The following PRKCB variants were observed in gnomAD, a reference collection of about 807,000 sequenced individuals.
PRKCB encodes the protein protein kinase C beta type.
A neutral mutation model predicts 81.5 loss-of-function variants in PRKCB; 13 were observed. The ratio of observed to expected loss-of-function variants is 0.16; its 90% CI spans 0.10 to 0.25. The LOEUF (loss-of-function observed/expected upper bound fraction) is 0.25, where lower values mean the gene tolerates loss of function less well. PRKCB is among the 10% of genes least tolerant of loss of function. PRKCB has a pLI of 1.00. For missense variants in PRKCB, 509 were observed against 875.7 expected (o/e 0.58, Z 5.29); for synonymous variants, 335 against 321.4 (o/e 1.04, Z -0.45).
intron 16 of PRKCB, among the ~76,000 whole-genome samples, chr16:24,204,637 G>A (rs968883708): frequency 2.6e-5 from 4 of 152,270 alleles, no homozygotes; most frequent in African/African-American, 9.6e-5. Context: ...ATGGGAAGAT[G>A]TTTAGAGTGT....
At chr16:24,154,052 CCAAAACAGCA>C (rs1967116467) in intron 9 of PRKCB, among the ~76,000 whole-genome samples, 1 of 152,224 alleles carries the variant, frequency 6.6e-6, no homozygotes, top group Non-Finnish European at 1.5e-5. Context: ...CACCAGTAAA[CCAAAACAGCA>C]AAGATACTTG....
chr16:24,059,893 T>C (rs1965950565), intron 5 of PRKCB, among the ~76,000 whole-genome samples: 2 of 152,218 alleles, frequency 1.3e-5, no homozygotes, highest in South Asian at 4.2e-4. Flanking sequence ...GCTCTTTCAG[T>C]GGCATAGTAG....
At chr16:23,991,089 G>C (rs998808097) in intron 3 of PRKCB, among the ~76,000 whole-genome samples, 25 of 152,326 alleles carry the variant, frequency 1.6e-4, no homozygotes, top group African/African-American at 5.3e-4. Flanking sequence ...TGCCCAAAGT[G>C]AGTAGTGACT....
intron 16 of PRKCB, among the ~76,000 whole-genome samples, chr16:24,194,960 T>G (rs1279910290): frequency 6.6e-6 from 1 of 152,082 alleles, no homozygotes; most frequent in Non-Finnish European, 1.5e-5. Context: ...TCCCCACACT[T>G]TGGAAGGCTG....
intron 2 of PRKCB, among the ~76,000 whole-genome samples, chr16:23,934,540 T>C (rs1023625509): frequency 3.3e-5 from 5 of 152,236 alleles, no homozygotes; most frequent in African/African-American, 1.2e-4. Context: ...ATTTTTTGAT[T>C]CTTAGGAATT....
chr16:23,947,389 C>T (rs1254937501), intron 2 of PRKCB, among the ~76,000 whole-genome samples: 4 of 152,212 alleles, frequency 2.6e-5, no homozygotes, highest in Non-Finnish European at 4.4e-5. Context: ...GGGCTCCTCT[C>T]CTCATTCTCC....
In PRKCB at chr16:23,912,840, T is replaced by A. The variant is rs75659124; in HGVS notation, c.205+75434T>A. ...TATTTATTTATTTATTTATTTATTT[T>A]TTGATATGGAGTCATGCTCTGTTGC... On this transcript the variant is annotated intron_variant, in intron 2 of 16. Transcript: ENST00000643927. Among the ~76,000 whole-genome samples the A allele has an allele frequency of 1.1e-3, 165 of 148,068 alleles. 1 individual carries two copies. Among genetic ancestry groups the A allele is most frequent in the South Asian group, 3.0e-3 (14 of 4,594 alleles).
At position 23,919,507 on chromosome 16, in the gene PRKCB, A is replaced by G. The variant is rs532437943; in HGVS notation, c.206-69001A>G. On this transcript the variant is annotated intron_variant, in intron 2 of 16. Transcript: ENST00000643927. Reference sequence around the variant, plus strand: ...ATATCTCTATATTTTGAAATGGATCATATTTTATTAGTTTTTCTTAGTACA... The same window carrying G: ...ATATCTCTATATTTTGAAATGGATCGTATTTTATTAGTTTTTCTTAGTACA... Among the ~76,000 whole-genome samples the G allele has an allele frequency of 1.5e-3, 229 of 152,282 alleles. 4 individuals carry two copies. The highest frequency in any genetic ancestry group is 2.3e-3 in the South Asian group (11 of 4,830).
intron 3 of PRKCB, among the ~76,000 whole-genome samples, chr16:24,004,085 C>A (rs1219729955): frequency 6.6e-6 from 1 of 151,876 alleles, no homozygotes; most frequent in East Asian, 1.9e-4. Context: ...ATCAATATAA[C>A]AAAATATAGG....
At chr16:24,107,380 A>G (rs1170130952) in intron 7 of PRKCB, among the ~76,000 whole-genome samples, 1 of 152,234 alleles carries the variant, frequency 6.6e-6, no homozygotes, top group East Asian at 1.9e-4. Context: ...GTGAGCACAG[A>G]CATTTCTGTG....
At chr16:24,210,887 C>A (rs1968129329) in intron 16 of PRKCB, among the ~76,000 whole-genome samples, 1 of 152,208 alleles carries the variant, frequency 6.6e-6, no homozygotes, top group Admixed American at 6.5e-5. Context: ...TTTGTTGCTT[C>A]TCTTCCCCAG....
intron 3 of PRKCB, among the ~76,000 whole-genome samples, chr16:24,012,984 C>A (rs1965225020): frequency 1.3e-5 from 2 of 152,344 alleles, no homozygotes; most frequent in Non-Finnish European, 2.9e-5. Flanking sequence ...GAATCTTCTG[C>A]AGGGCTTTTT....
chr16:24,151,463 G>A (rs1320139518), intron 9 of PRKCB, among the ~76,000 whole-genome samples: 1 of 152,216 alleles, frequency 6.6e-6, no homozygotes, highest in East Asian at 1.9e-4. Flanking sequence ...GTGGCAGGAA[G>A]AAATGTGAAA....
At chr16:24,199,257 C>T (rs1321277164) in intron 16 of PRKCB, among the ~76,000 whole-genome samples, 1 of 152,194 alleles carries the variant, frequency 6.6e-6, no homozygotes, top group Non-Finnish European at 1.5e-5. Flanking sequence ...CTTGGTTTCT[C>T]AGCAATTTTA....
chr16:23,906,037 C>T (rs1963555468), intron 2 of PRKCB, among the ~76,000 whole-genome samples: 2 of 152,076 alleles, frequency 1.3e-5, no homozygotes, highest in South Asian at 4.1e-4. Flanking sequence ...TATATGTTTA[C>T]CTCTGTGGGT....
chr16:24,028,767 A>C (rs1965514461), intron 3 of PRKCB, among the ~76,000 whole-genome samples: 1 of 152,002 alleles, frequency 6.6e-6, no homozygotes, highest in African/African-American at 2.4e-5. Context: ...ATTATAAGTA[A>C]GGTAGCTATA....
intron 9 of PRKCB, among the ~76,000 whole-genome samples, chr16:24,124,984 G>A (rs1966840294): frequency 6.6e-6 from 1 of 151,970 alleles, no homozygotes; most frequent in African/African-American, 2.4e-5. Flanking sequence ...ATATCACCTG[G>A]ATAACTGCAG....
In PRKCB at chr16:23,891,520, G is replaced by A. The variant is rs902774881; in HGVS notation, c.205+54114G>A. 4.4e-4 allele frequency among the ~76,000 whole-genome samples: 65 copies of A among 148,798 alleles called. 1 individual carries two copies. Among genetic ancestry groups the A allele is most frequent in the African/African-American group, 1.6e-3 (63 of 38,382 alleles). On this transcript the variant is annotated intron_variant, in intron 2 of 16. Coordinates refer to ENST00000643927, the MANE Select transcript of PRKCB (RefSeq NM_002738.7). Reference sequence around the variant, plus strand: ...GAAAATAATAAAATACATAAATGAGGGGCAGGGGCTCTCTTGGACACTTCC... The same window carrying A: ...GAAAATAATAAAATACATAAATGAGAGGCAGGGGCTCTCTTGGACACTTCC...
chr16:23,861,221 T>A (rs888572747), intron 2 of PRKCB, among the ~76,000 whole-genome samples: 3 of 151,652 alleles, frequency 2.0e-5, no homozygotes, highest in African/African-American at 7.3e-5. Context: ...CAGGCTGGAG[T>A]GCAGTGGCAC....
Sources: allele counts gnomAD v4.1 joint callset (sites outside exome capture counted in the v4.1 genomes callset), GRCh38; gene constraint gnomAD v4.1.1; transcripts MANE v1.5; gene names NCBI Gene and HGNC (gene_info 2026-07-23, HGNC 2026-07-21).